SPINK5: variants seen among roughly 807,000 people sequenced by gnomAD.
SPINK5 encodes serine protease inhibitor Kazal-type 5.
In SPINK5, 125 loss-of-function variants were observed where a neutral mutation model predicts 151.8. That is an observed-to-expected ratio of 0.82 (90% CI 0.71 to 0.96). SPINK5 has a LOEUF of 0.96. SPINK5 is among the 40% of genes least tolerant of loss of function. The probability of loss-of-function intolerance (pLI) is 0.00; values close to 1 mark genes in which losing one functional copy is unlikely to be tolerated. For missense variants in SPINK5, 1,194 were observed against 1,291.9 expected (o/e 0.92, Z 1.16); for synonymous variants, 374 against 395.3 (o/e 0.95, Z 0.64).
intron 21 of SPINK5, among the ~76,000 whole-genome samples, chr5:148,115,015 TAATCTTCTCAGA>T (rs1326664770): frequency 6.6e-6 from 1 of 152,200 alleles, no homozygotes; most frequent in Non-Finnish European, 1.5e-5. Flanking sequence ...ATGAAATAGA[TAATCTTCTCAGA>T]AATCATATAG....
chr5:148,097,934 C>G lies in SPINK5; in HGVS notation c.950C>G (p.Pro317Arg). The G allele has an allele frequency of 6.2e-7, 1 of 1,612,346 alleles. No individual in the cohort carries two copies. The highest frequency in any genetic ancestry group is 8.5e-7 in the Non-Finnish European group (1 of 1,178,832). ...GILFCTREND[P>R]IRGPDGKMHG... ...CTTTTCTGTACCAGAGAAAATGACC[C>G]TATTCGTGGTCCAGATGGGAAAATG... The change falls in exon 11 of 33, where the codon CCT (proline) becomes CGT (arginine). Residue 317 changes from proline (P) to arginine (R), a missense_variant. Transcript: ENST00000256084.
chr5:148,097,029 A>T (rs2113102227), intron 10 of SPINK5, among the ~76,000 whole-genome samples: 1 of 150,426 alleles, frequency 6.6e-6, no homozygotes, highest in African/African-American at 2.4e-5. Flanking sequence ...ATTTATTTCC[A>T]ATTTTTCTCC....
intron 17 of SPINK5, 48 bp downstream of exon 17, chr5:148,107,212 G>A (rs769538009): frequency 8.1e-6 from 13 of 1,597,996 alleles, no homozygotes; most frequent in South Asian, 5.6e-5. Flanking sequence ...ATCCATGATC[G>A]CCCCTGAGTC....
At position 148,088,442 on chromosome 5, in the gene SPINK5, G is replaced by A. The variant is rs1347466162; in HGVS notation, c.411-100G>A. 1.5e-5 allele frequency: 15 copies of A among 1,021,246 alleles called. No homozygotes were observed. The Admixed American group carries it at 2.6e-4, about 17-fold the overall frequency. 63.3% of individuals were successfully genotyped at this position (1,021,246 alleles called of 1,614,324 possible). On this transcript the variant is annotated intron_variant, in intron 5 of 32. Transcript: ENST00000256084. ...TAATACTATGTGGCAGCTGTTTTCGGGAGTAAAGGAGAATGACAATGCAAT... is the reference window on the plus strand; with the variant it reads ...TAATACTATGTGGCAGCTGTTTTCGAGAGTAAAGGAGAATGACAATGCAAT...
At chr5:148,086,204 C>T (rs1171143561) in intron 4 of SPINK5, among the ~76,000 whole-genome samples, 1 of 151,834 alleles carries the variant, frequency 6.6e-6, no homozygotes, top group African/African-American at 2.4e-5. Flanking sequence ...TACTGAAATT[C>T]TTTCTTTTGA....
At chr5:148,077,127 C>T (rs953420850) in intron 4 of SPINK5, among the ~76,000 whole-genome samples, 3 of 150,644 alleles carry the variant, frequency 2.0e-5, no homozygotes, top group African/African-American at 4.9e-5. Context: ...AAACTCAATA[C>T]ACCCCAAATA....
chr5:148,065,412 A>T (rs750960321), intron 2 of SPINK5, 40 bp downstream of exon 2: 27 of 1,611,298 alleles, frequency 1.7e-5, no homozygotes, highest in Non-Finnish European at 2.0e-5. Context: ...TCATTCCAAG[A>T]TTCCCAAAGA....
chr5:148,128,776 G>T lies in SPINK5; in HGVS notation c.2964+1697G>T, dbSNP rs1030566409. ...CTGACCTCGTGATCCGCCCGCCTCG[G>T]CCTCCCAAAGTGCTGGGATTATAGG... On this transcript the variant is annotated intron_variant, in intron 30 of 32. Coordinates refer to ENST00000256084, the MANE Select transcript of SPINK5 (RefSeq NM_006846.4). Among the ~76,000 whole-genome samples, 4 of 152,136 alleles carry T rather than the reference G, an allele frequency of 2.6e-5. No individual in the cohort carries two copies. The East Asian group carries it at 7.7e-4, about 29-fold the overall frequency.
intron 26 of SPINK5, 143 bp downstream of exon 26, chr5:148,120,534 G>A (rs1754229738): frequency 2.8e-6 from 3 of 1,060,802 alleles, no homozygotes; most frequent in Admixed American, 2.0e-5. Context: ...GCCAGATCTT[G>A]AAAATAAATA....
chr5:148,079,147 T>C (rs1007714348), intron 4 of SPINK5, among the ~76,000 whole-genome samples: 2 of 150,984 alleles, frequency 1.3e-5, no homozygotes, highest in African/African-American at 4.8e-5. Context: ...ATGAAAAATA[T>C]TATGCCACCA....
In SPINK5 at chr5:148,123,944, A is replaced by G. The variant is rs1038633967; in HGVS notation, c.2650A>G (p.Met884Val). The change falls in exon 27 of 33, where the codon ATG becomes GTG. Residue 884 changes from methionine (M) to valine (V), a missense_variant. By Grantham distance (21) the Met-to-Val change is conservative. Coordinates refer to ENST00000256084, the MANE Select transcript of SPINK5 (RefSeq NM_006846.4). ...CAAGATGCACATCAATAAATGTGCT[A>G]TGTGTCAGAGCATCTTGTACGTAAA... The part of the protein sequence containing the change: ...YGKMHINKCA[M>V]CQSIFDREAN... 2.5e-6 allele frequency: 4 copies of G among 1,614,006 alleles called. No individual in the cohort carries two copies. Among genetic ancestry groups the G allele is most frequent in the Middle Eastern group, 1.7e-4 (1 of 6,060 alleles).
At chr5:148,134,154 T>G (rs937761663) in intron 32 of SPINK5, 5 of 472,986 alleles carry the variant, frequency 1.1e-5, no homozygotes, top group African/African-American at 2.0e-5. Flanking sequence ...ATAACGTTAC[T>G]TATTTCAGGA....
intron 21 of SPINK5, 37 bp downstream of exon 21, chr5:148,114,526 G>A (rs749027419): frequency 1.9e-6 from 3 of 1,611,146 alleles, no homozygotes; most frequent in Admixed American, 1.7e-5. Context: ...GTGGGATGGT[G>A]GAATTGGGGA....
chr5:148,110,493 C>T (rs373403802), intron 18 of SPINK5, among the ~76,000 whole-genome samples: 1 of 152,138 alleles, frequency 6.6e-6, no homozygotes, highest in East Asian at 1.9e-4. Context: ...AACTCTATCA[C>T]TTGTTATGCC....
At chr5:148,079,739 T>C (rs1752970791) in intron 4 of SPINK5, among the ~76,000 whole-genome samples, 1 of 151,036 alleles carries the variant, frequency 6.6e-6, no homozygotes, top group Non-Finnish European at 1.5e-5. Flanking sequence ...ATATTATCAA[T>C]AGAAGTAAGC....
At chr5:148,105,906 G>A (rs369012654) in intron 16 of SPINK5, among the ~76,000 whole-genome samples, 26 of 151,704 alleles carry the variant, frequency 1.7e-4, no homozygotes, top group African/African-American at 6.0e-4. Context: ...TTACAGGTGT[G>A]AGCCACTGCA....
chr5:148,096,992 C>G (rs1322833835), intron 10 of SPINK5, among the ~76,000 whole-genome samples: 1 of 151,772 alleles, frequency 6.6e-6, no homozygotes, highest in Non-Finnish European at 1.5e-5. Flanking sequence ...TTTTGATATT[C>G]AAATATCTGT....
intron 12 of SPINK5, among the ~76,000 whole-genome samples, chr5:148,099,521 T>G (rs1753578343): frequency 6.6e-6 from 1 of 150,702 alleles, no homozygotes; most frequent in South Asian, 2.1e-4. Flanking sequence ...AAAAAAAAAT[T>G]GTTTAAAAGC....
intron 3 of SPINK5, 126 bp from the exon 4 acceptor site, chr5:148,072,022 C>A: frequency 1.2e-6 from 1 of 817,508 alleles, no homozygotes; most frequent in Non-Finnish European, 2.1e-6. Context: ...TCTGAACATG[C>A]TACCAATTTT....
Sources: allele counts gnomAD v4.1 joint callset (sites outside exome capture counted in the v4.1 genomes callset), GRCh38; gene constraint gnomAD v4.1.1; transcripts MANE v1.5; gene names NCBI Gene and HGNC (gene_info 2026-07-23, HGNC 2026-07-21).